Variants in TSPAN18 observed in about 807,000 individuals in gnomAD.
The protein encoded by TSPAN18 is tetraspanin 18, also known as tetraspanin-18.
TSPAN18 carries 14 observed loss-of-function variants against 27.3 expected under a neutral mutation model. That is an observed-to-expected ratio of 0.51 (90% CI 0.34 to 0.80). The LOEUF (loss-of-function observed/expected upper bound fraction) is 0.80. Among genes scored for constraint, TSPAN18 ranks in the 30% least tolerant of loss-of-function variants. The probability of loss-of-function intolerance (pLI) is 0.01; values close to 1 mark genes in which losing one functional copy is unlikely to be tolerated. For missense variants in TSPAN18, 268 were observed against 323.9 expected (o/e 0.83, Z 1.32); for synonymous variants, 143 against 136.5 (o/e 1.05, Z -0.33).
intron 2 of TSPAN18, among the ~76,000 whole-genome samples, chr11:44,820,195 A>G (rs1856898409): frequency 1.3e-5 from 2 of 152,206 alleles, no homozygotes. Flanking sequence ...CCTTGACCCA[A>G]CTGGTGCCTG....
At chr11:44,917,130 C>T (rs964082264) in intron 5 of TSPAN18, among the ~76,000 whole-genome samples, 2 of 152,174 alleles carry the variant, frequency 1.3e-5, no homozygotes, top group East Asian at 1.9e-4. Context: ...TAAGGCCGTG[C>T]GGGCACCTCT....
intron 3 of TSPAN18, among the ~76,000 whole-genome samples, chr11:44,869,899 C>T (rs1049421242): frequency 6.6e-5 from 10 of 152,132 alleles, no homozygotes; most frequent in Non-Finnish European, 1.0e-4. Flanking sequence ...CAGGAAATAA[C>T]GAGAAAGCAC....
chr11:44,852,133 T>C (rs1184640928), intron 2 of TSPAN18, among the ~76,000 whole-genome samples: 2 of 152,228 alleles, frequency 1.3e-5, no homozygotes, highest in Admixed American at 6.5e-5. Context: ...CACCCATTGG[T>C]CGAGTACTGT....
At chr11:44,908,762 GA>G (rs1334126862) in intron 4 of TSPAN18, among the ~76,000 whole-genome samples, 1 of 71,120 alleles carries the variant, frequency 1.4e-5, no homozygotes, top group African/African-American at 6.7e-5. Flanking sequence ...GAGAGAGAGA[GA>G]GAAAGGAGAA....
At chr11:44,882,156 A>C (rs1858505288) in intron 3 of TSPAN18, among the ~76,000 whole-genome samples, 1 of 152,190 alleles carries the variant, frequency 6.6e-6, no homozygotes. Flanking sequence ...GGATAGGGTC[A>C]GATCAGACCC....
At chr11:44,888,980 C>T (rs572448731) in intron 3 of TSPAN18, among the ~76,000 whole-genome samples, 4 of 152,310 alleles carry the variant, frequency 2.6e-5, no homozygotes, top group African/African-American at 7.2e-5. Context: ...TGAATTCTCA[C>T]GGGATCTAAT....
chr11:44,727,669 C>T (rs1017559540), intron 1 of TSPAN18, among the ~76,000 whole-genome samples: 43 of 152,026 alleles, frequency 2.8e-4, no homozygotes, highest in Non-Finnish European at 3.7e-4. Context: ...AGGGGCTGCT[C>T]GCCACGCCAC....
chr11:44,846,478 C>T (rs993102346), intron 2 of TSPAN18, among the ~76,000 whole-genome samples: 4 of 152,212 alleles, frequency 2.6e-5, no homozygotes, highest in African/African-American at 9.7e-5. Context: ...ACCTGTGAAA[C>T]CTGGTCATGG....
chr11:44,877,541 AC>A (rs1184816046), intron 3 of TSPAN18, among the ~76,000 whole-genome samples: 1 of 151,388 alleles, frequency 6.6e-6, no homozygotes, highest in Non-Finnish European at 1.5e-5. Context: ...GCCCATGAGG[AC>A]CCCCCGCCTC....
At chr11:44,756,590 C>T (rs1855338693) in intron 1 of TSPAN18, among the ~76,000 whole-genome samples, 1 of 152,188 alleles carries the variant, frequency 6.6e-6, no homozygotes, top group Non-Finnish European at 1.5e-5. Flanking sequence ...CTCCCAGCCC[C>T]TGGTAACCTC....
chr11:44,799,026 C>T (rs1282554816), intron 2 of TSPAN18, among the ~76,000 whole-genome samples: 2 of 149,974 alleles, frequency 1.3e-5, no homozygotes, highest in Non-Finnish European at 3.0e-5. Flanking sequence ...CTGCACCCCA[C>T]CCCCTCCCAG....
At chr11:44,838,575 C>T (rs78475263) in intron 2 of TSPAN18, among the ~76,000 whole-genome samples, 210 of 152,216 alleles carry the variant, frequency 1.4e-3, no homozygotes, top group African/African-American at 4.6e-3. Context: ...TCAAATCACA[C>T]GGGTCCTTAC....
intron 3 of TSPAN18, among the ~76,000 whole-genome samples, chr11:44,905,667 G>A (rs1314904478): frequency 6.6e-6 from 1 of 152,260 alleles, no homozygotes; most frequent in Non-Finnish European, 1.5e-5. Context: ...TGCCTGGCAA[G>A]CAGCGGATGC....
chr11:44,875,419 A>T (rs1565187128), intron 3 of TSPAN18, among the ~76,000 whole-genome samples: 1 of 152,190 alleles, frequency 6.6e-6, no homozygotes, highest in Non-Finnish European at 1.5e-5. Context: ...GGGGCTTCGG[A>T]GGCTAGGGGC....
chr11:44,732,219 C>T (rs897614242), intron 1 of TSPAN18, among the ~76,000 whole-genome samples: 2 of 152,374 alleles, frequency 1.3e-5, no homozygotes, highest in South Asian at 4.1e-4. Context: ...TCATCTTGTT[C>T]CAGCAAGGCT....
chr11:44,830,595 A>G (rs1345968219), intron 2 of TSPAN18, among the ~76,000 whole-genome samples: 1 of 152,214 alleles, frequency 6.6e-6, no homozygotes, highest in Non-Finnish European at 1.5e-5. Context: ...GATCATCTGT[A>G]CTTTACAGGT....
At chr11:44,728,084 T>G (rs10838343) in intron 1 of TSPAN18, among the ~76,000 whole-genome samples, 20,311 of 152,242 alleles carry the variant, frequency 0.13, 2,615 homozygotes, top group East Asian at 0.69. Flanking sequence ...CGCGCCGACA[T>G]CCAGGACGCA....
chr11:44,896,646 C>T (rs1859064027), intron 3 of TSPAN18, among the ~76,000 whole-genome samples: 1 of 152,136 alleles, frequency 6.6e-6, no homozygotes, highest in Non-Finnish European at 1.5e-5. Context: ...CTCTGCACTC[C>T]CCCAAGACTA....
rs187581569 is a variant in TSPAN18, at chr11:44,903,011, T to C, written c.-10-3396T>C. Among the ~76,000 whole-genome samples the C allele has an allele frequency of 1.6e-4, 25 of 152,204 alleles. 1 individual carries two copies. The East Asian group carries it at 4.5e-3, about 27-fold the overall frequency. The stretch of plus-strand genomic sequence containing the variant: ...TCCCTATGTGGAGGGTTTTACTCAG[T>C]CCAAACCAAGTGCAACCCTACTGTG... On this transcript the variant is annotated intron_variant, in intron 3 of 9. Coordinates refer to ENST00000520358, the MANE Select transcript of TSPAN18 (RefSeq NM_130783.5).
Sources: gnomAD v4.1 joint callset for allele counts (sites outside exome capture counted in the v4.1 genomes callset) on GRCh38, gnomAD v4.1.1 for gene constraint, MANE v1.5 for transcripts, NCBI Gene and HGNC (gene_info 2026-07-23, HGNC 2026-07-21) for gene names.